DLG2: variants seen among roughly 807,000 people sequenced by gnomAD.
The protein encoded by DLG2 is discs large MAGUK scaffold protein 2, also known as disks large homolog 2.
DLG2 carries 45 observed loss-of-function variants against 132.5 expected under a neutral mutation model. The observed-to-expected ratio is 0.34, with a 90% confidence interval of 0.27 to 0.44. The LOEUF is 0.44. Among genes scored for constraint, DLG2 ranks in the 20% least tolerant of loss-of-function variants. DLG2 has a pLI of 1.00. For missense variants in DLG2, 1,045 were observed against 1,196.9 expected (o/e 0.87, Z 1.87); for synonymous variants, 424 against 419.6 (o/e 1.01, Z -0.13).
At chr11:85,158,761 T>C (rs1333414101) in intron 4 of DLG2, among the ~76,000 whole-genome samples, 2 of 152,170 alleles carry the variant, frequency 1.3e-5, no homozygotes, top group East Asian at 3.8e-4. Context: ...GCAATCAGAA[T>C]AGTCTGACTC....
At chr11:85,055,730 G>T (rs973648301) in intron 6 of DLG2, among the ~76,000 whole-genome samples, 2 of 152,144 alleles carry the variant, frequency 1.3e-5, no homozygotes, top group African/African-American at 4.8e-5. Flanking sequence ...TGGGAAGAAG[G>T]AAGTCTCTGA....
intron 6 of DLG2, among the ~76,000 whole-genome samples, chr11:84,859,376 ATATATATGCATACATATATATG>A (rs1232753822): frequency 6.8e-6 from 1 of 146,710 alleles, no homozygotes; most frequent in Non-Finnish European, 1.5e-5. Flanking sequence ...ATATATACAC[ATATATATGCATACATATATATG>A]TATATATACA....
At chr11:85,039,552 A>G (rs1256717528) in intron 6 of DLG2, among the ~76,000 whole-genome samples, 1 of 151,944 alleles carries the variant, frequency 6.6e-6, no homozygotes, top group African/African-American at 2.4e-5. Flanking sequence ...CACCTATCTC[A>G]TAGTTATATA....
At position 85,542,496 on chromosome 11, in the gene DLG2, G is replaced by C. The variant is rs1034371246; in HGVS notation, c.40+56161C>G. On this transcript the variant is annotated intron_variant, in intron 3 of 27. Transcript: ENST00000376104. The stretch of plus-strand genomic sequence containing the variant: ...TTTATGAAGTAAATTTAGGAGTAAG[G>C]CTTCATCTTTTAAAGTATTAATAGA... Among the ~76,000 whole-genome samples, 16 of 152,110 alleles carry C rather than the reference G, an allele frequency of 1.1e-4. 1 individual carries two copies. Among genetic ancestry groups the C allele is most frequent in the Admixed American group, 7.9e-4 (12 of 15,264 alleles).
chr11:83,922,361 T>C (rs2078116125), intron 15 of DLG2, among the ~76,000 whole-genome samples: 2 of 152,204 alleles, frequency 1.3e-5, no homozygotes, highest in South Asian at 4.1e-4. Flanking sequence ...TTATTTTCCT[T>C]AATTCATATT....
Position 85,556,330 on chromosome 11 carries a change from AC to A in DLG2, c.40+42326del, listed in dbSNP as rs753187752. ...TTAATGCTCACGCACTGACTCTAGG[AC>A]CCTGCAACTAACTTTGAAAGCCACT... is the stretch of plus-strand genomic sequence containing the variant. On this transcript the variant is annotated intron_variant, in intron 3 of 27. Transcript: ENST00000376104. Among the ~76,000 whole-genome samples the A allele has an allele frequency of 1.1e-4, 16 of 151,980 alleles. 1 individual carries two copies. The highest frequency in any genetic ancestry group is 2.6e-4 in the Admixed American group (4 of 15,236).
At chr11:84,705,414 A>T (rs1266074747) in intron 6 of DLG2, among the ~76,000 whole-genome samples, 5 of 151,708 alleles carry the variant, frequency 3.3e-5, no homozygotes, top group Admixed American at 3.3e-4. Context: ...TTCTATTGCA[A>T]ATCATTCAGT....
intron 3 of DLG2, among the ~76,000 whole-genome samples, chr11:85,537,582 T>C (rs2075682243): frequency 6.7e-6 from 1 of 149,398 alleles, no homozygotes. Flanking sequence ...GTGCCACCTT[T>C]GTGAACTGTA....
intron 6 of DLG2, among the ~76,000 whole-genome samples, chr11:85,057,535 G>T (rs2063579719): frequency 6.6e-6 from 1 of 151,448 alleles, no homozygotes; most frequent in South Asian, 2.1e-4. Flanking sequence ...CTTTACAGAA[G>T]GAAATATCAA....
At chr11:84,510,987 A>T (rs1013330838) in intron 7 of DLG2, among the ~76,000 whole-genome samples, 1 of 152,192 alleles carries the variant, frequency 6.6e-6, no homozygotes, top group African/African-American at 2.4e-5. Context: ...CTTACATGGA[A>T]CATATCCTTC....
intron 15 of DLG2, among the ~76,000 whole-genome samples, chr11:83,879,957 AT>A (rs1276230604): frequency 5.3e-5 from 8 of 152,320 alleles, no homozygotes; most frequent in African/African-American, 1.9e-4. Context: ...ATATATAAGT[AT>A]TTTAAAGGAT....
chr11:85,588,949 T>C (rs1385279804), intron 3 of DLG2, among the ~76,000 whole-genome samples: 3 of 152,172 alleles, frequency 2.0e-5, no homozygotes, highest in Non-Finnish European at 4.4e-5. Context: ...CTTCTGAGTC[T>C]AGCCACCGAG....
At chr11:84,664,846 ATTG>A (rs1293426406) in intron 6 of DLG2, among the ~76,000 whole-genome samples, 2 of 152,086 alleles carry the variant, frequency 1.3e-5, no homozygotes, top group African/African-American at 4.8e-5. Flanking sequence ...TCTGTTTATG[ATTG>A]TTAACACCCC....
intron 6 of DLG2, among the ~76,000 whole-genome samples, chr11:84,676,911 C>G (rs1177364030): frequency 2.6e-5 from 4 of 151,834 alleles, no homozygotes; most frequent in African/African-American, 9.7e-5. Flanking sequence ...GCAGATGGAA[C>G]AAGTGAGAAA....
chr11:84,614,302 G>T (rs924013383), intron 6 of DLG2, among the ~76,000 whole-genome samples: 2 of 152,118 alleles, frequency 1.3e-5, no homozygotes, highest in African/African-American at 4.8e-5. Context: ...GTCAGTGGCA[G>T]CTTTATGAAA....
intron 5 of DLG2, among the ~76,000 whole-genome samples, chr11:85,122,662 T>C (rs923256172): frequency 1.3e-5 from 2 of 151,968 alleles, no homozygotes; most frequent in African/African-American, 2.4e-5. Context: ...TCTGATTCAG[T>C]AGTTTCACAC....
At chr11:85,560,380 T>C (rs887750035) in intron 3 of DLG2, among the ~76,000 whole-genome samples, 2 of 151,852 alleles carry the variant, frequency 1.3e-5, no homozygotes, top group African/African-American at 4.8e-5. Flanking sequence ...TATGTGTATA[T>C]TATGGAATAT....
At chr11:84,847,253 C>T (rs1309031010) in intron 6 of DLG2, among the ~76,000 whole-genome samples, 1 of 152,064 alleles carries the variant, frequency 6.6e-6, no homozygotes, top group African/African-American at 2.4e-5. Flanking sequence ...TTAATGATGA[C>T]TGGAAGAAAA....
intron 7 of DLG2, among the ~76,000 whole-genome samples, chr11:84,405,439 G>A (rs1438757016): frequency 6.6e-6 from 1 of 152,162 alleles, no homozygotes; most frequent in Non-Finnish European, 1.5e-5. Context: ...ACATAGTCTT[G>A]TGTCTACAAT....
Sources: gnomAD v4.1 joint callset for allele counts (sites outside exome capture counted in the v4.1 genomes callset) on GRCh38, gnomAD v4.1.1 for gene constraint, MANE v1.5 for transcripts, NCBI Gene and HGNC (gene_info 2026-07-23, HGNC 2026-07-21) for gene names.